Variants in KIAA0319L observed in about 807,000 individuals in gnomAD.
KIAA0319L encodes the protein KIAA0319 like.
KIAA0319L carries 55 observed loss-of-function variants against 120.1 expected under a neutral mutation model. The ratio of observed to expected loss-of-function variants is 0.46; its 90% confidence interval spans 0.37 to 0.57. The LOEUF (loss-of-function observed/expected upper bound fraction) is 0.57, where lower values mean the gene tolerates loss of function less well. Ranked by LOEUF, KIAA0319L falls within the 20% of genes least tolerant of loss-of-function variation. The pLI, the probability that KIAA0319L is intolerant of heterozygous loss-of-function variation, is 0.00. For missense variants in KIAA0319L, 1,049 were observed against 1,255.3 expected, an observed-to-expected ratio of 0.84 and a Z score of 2.48; for synonymous variants, 398 against 471.9, an observed-to-expected ratio of 0.84 and a Z score of 2.03.
chr1:35,479,966 A>AAAC (rs1553203228), intron 3 of KIAA0319L, among the ~76,000 whole-genome samples: 1,783 of 130,580 alleles, frequency 0.014, 34 homozygotes, highest in East Asian at 0.045. Flanking sequence ...AAAAAAAAAA[A>AAAC]AAAAAACACA....
At chr1:35,489,291 G>A (rs1182393920) in intron 3 of KIAA0319L, among the ~76,000 whole-genome samples, 1 of 151,990 alleles carries the variant, frequency 6.6e-6, no homozygotes, top group Non-Finnish European at 1.5e-5. Context: ...TTATCCTTCT[G>A]AAAAAAATTT....
At chr1:35,551,119 A>T (rs974760212) in intron 2 of KIAA0319L, among the ~76,000 whole-genome samples, 1 of 152,152 alleles carries the variant, frequency 6.6e-6, no homozygotes, top group Admixed American at 6.6e-5. Context: ...TCTCTTTTCA[A>T]ACTCCTCAGC....
Position 35,519,542 on chromosome 1 carries a change from C to A in KIAA0319L, c.143-12407G>T, listed in dbSNP as rs1258981638. ...ATAAAAGTAAAACCACTTAACAGAGCAGACCTTGATTATATGGTGCTTAGG... is the reference window on the plus strand; with the variant it reads ...ATAAAAGTAAAACCACTTAACAGAGAAGACCTTGATTATATGGTGCTTAGG... On this transcript the variant is annotated intron_variant, in intron 2 of 20. Coordinates refer to ENST00000325722, the MANE Select transcript of KIAA0319L (RefSeq NM_024874.5). Among the ~76,000 whole-genome samples, 3 of 152,164 alleles carry A rather than the reference C, an allele frequency of 2.0e-5. No individual in the cohort carries two copies. In the East Asian group the frequency reaches 5.8e-4, roughly 29 times the overall value.
chr1:35,535,321 T>C (rs981266263), intron 2 of KIAA0319L, among the ~76,000 whole-genome samples: 5 of 152,272 alleles, frequency 3.3e-5, no homozygotes, highest in African/African-American at 9.6e-5. Context: ...TGTTCATACA[T>C]GTCCCTCATA....
In KIAA0319L at chr1:35,478,284, AG is replaced by A. The variant is rs1487413087; in HGVS notation, c.913+681del. Among the ~76,000 whole-genome samples the A allele has an allele frequency of 3.7e-5, 5 of 134,344 alleles. No homozygotes were observed. The East Asian group carries it at 1.2e-3, about 33-fold the overall frequency. 88.1% of individuals were successfully genotyped at this position (134,344 alleles called of 152,430 possible). The stretch of plus-strand genomic sequence containing the variant: ...GAAGGGTAGTGTGGGGGTAAGAGGG[AG>A]GGGGGGATGGTTAATGAGTACAAAA... On this transcript the variant is annotated intron_variant, in intron 4 of 20. Transcript: ENST00000325722.
At chr1:35,436,170 G>A (rs1640774542) in intron 20 of KIAA0319L, among the ~76,000 whole-genome samples, 1 of 152,176 alleles carries the variant, frequency 6.6e-6, no homozygotes, top group South Asian at 2.1e-4. Context: ...AGGATTCCCA[G>A]CCATTCAGCC....
rs188121632 is a variant in KIAA0319L, at chr1:35,533,338, G to C, written c.142+21012C>G. On this transcript the variant is annotated intron_variant, in intron 2 of 20. Coordinates refer to ENST00000325722, the MANE Select transcript of KIAA0319L (RefSeq NM_024874.5). The stretch of plus-strand genomic sequence containing the variant: ...TCATCAGACTGTATCCCAAAGGAAA[G>C]GCTGTGATGGTGGAAATAAGAGTAG... 5.5e-4 allele frequency: 84 copies of C among 152,190 alleles called. 3 individuals carry two copies. The highest frequency in any genetic ancestry group is 4.9e-3 in the Admixed American group (75 of 15,286). The allele number at this position is 152,190 out of a possible 1,614,324, so 9.4% of individuals were successfully genotyped here. A position where few individuals can be genotyped will look rare whatever the true frequency, so the allele number is the denominator to read the frequency against.
At chr1:35,483,774 G>C (rs1349042134) in intron 3 of KIAA0319L, among the ~76,000 whole-genome samples, 1 of 152,104 alleles carries the variant, frequency 6.6e-6, no homozygotes, top group Non-Finnish European at 1.5e-5. Context: ...AAACTTTGTG[G>C]CTTAAAACAA....
chr1:35,552,528 A>G (rs1647309169), intron 2 of KIAA0319L, among the ~76,000 whole-genome samples: 1 of 152,202 alleles, frequency 6.6e-6, no homozygotes, highest in African/African-American at 2.4e-5. Context: ...CCTTATCTAT[A>G]AAATGAGAAG....
At position 35,479,182 on chromosome 1, in the gene KIAA0319L, G is replaced by C. The variant is rs756766016; in HGVS notation, c.697C>G (p.Leu233Val). Residue 233 changes from leucine (L) to valine (V), a missense_variant, in exon 4 of 21, where the codon CTA becomes GTA. By Grantham distance (32) the Leu-to-Val change is conservative. Coordinates refer to ENST00000325722, the MANE Select transcript of KIAA0319L (RefSeq NM_024874.5). ...AGCTCTGCAGTCAGGTCTGTGGTTA[G>C]GGGACTGGAAATTGTAATCGCCTTG... The part of the protein sequence containing the change: ...VHKAITISSP[L>V]TTDLTAELSG... 24 of 1,613,814 alleles carry C rather than the reference G, an allele frequency of 1.5e-5. No homozygotes were observed. The highest frequency in any genetic ancestry group is 2.0e-5 in the Non-Finnish European group (24 of 1,179,716).
chr1:35,478,184 T>C (rs1400207276), intron 4 of KIAA0319L, among the ~76,000 whole-genome samples: 5 of 149,974 alleles, frequency 3.3e-5, no homozygotes, highest in Non-Finnish European at 7.4e-5. Context: ...ATTTGTGGAA[T>C]CTAAAAATCA....
intron 2 of KIAA0319L, among the ~76,000 whole-genome samples, chr1:35,507,860 T>C (rs1249542627): frequency 6.6e-6 from 1 of 152,186 alleles, no homozygotes; most frequent in Non-Finnish European, 1.5e-5. Flanking sequence ...AGTACAACAG[T>C]GACATGCTAT....
At chr1:35,555,380 T>G (rs965194596) in intron 1 of KIAA0319L, among the ~76,000 whole-genome samples, 4 of 152,170 alleles carry the variant, frequency 2.6e-5, no homozygotes, top group Non-Finnish European at 5.9e-5. Context: ...ACGGCCAGCA[T>G]ACAGGGAGAT....
intron 5 of KIAA0319L, among the ~76,000 whole-genome samples, chr1:35,471,488 G>C (rs945231752): frequency 6.6e-6 from 1 of 152,198 alleles, no homozygotes; most frequent in African/African-American, 2.4e-5. Context: ...ACACACTGCA[G>C]AAGATGGTAG....
chr1:35,501,479 C>T (rs149932791), intron 3 of KIAA0319L, among the ~76,000 whole-genome samples: 15 of 152,306 alleles, frequency 9.8e-5, no homozygotes, highest in African/African-American at 3.4e-4. Flanking sequence ...TATCATCTCC[C>T]AATTTACTCG....
At position 35,443,038 on chromosome 1, in the gene KIAA0319L, G is replaced by C; in HGVS notation, c.2657-10C>G. ...CAGTTCAGCTGACATGCTGAGAGTGGCAGCAAAGGGAAGAAAGTCAACAAG... is the reference window on the plus strand; with the variant it reads ...CAGTTCAGCTGACATGCTGAGAGTGCCAGCAAAGGGAAGAAAGTCAACAAG... On this transcript the variant is annotated splice_polypyrimidine_tract_variant and intron_variant, in intron 17 of 20. Coordinates refer to ENST00000325722, the MANE Select transcript of KIAA0319L (RefSeq NM_024874.5). 1 of 1,614,088 alleles carries C rather than the reference G, an allele frequency of 6.2e-7. No individual in the cohort carries two copies. Among genetic ancestry groups the C allele is most frequent in the Non-Finnish European group, 8.5e-7 (1 of 1,179,988 alleles).
At chr1:35,551,668 G>A (rs1320079858) in intron 2 of KIAA0319L, among the ~76,000 whole-genome samples, 1 of 152,154 alleles carries the variant, frequency 6.6e-6, no homozygotes, top group East Asian at 1.9e-4. Flanking sequence ...AAATGGGAAG[G>A]AGCTCCAATT....
intron 16 of KIAA0319L, among the ~76,000 whole-genome samples, chr1:35,447,369 C>T (rs1374913218): frequency 6.6e-6 from 1 of 151,420 alleles, no homozygotes; most frequent in South Asian, 2.1e-4. Context: ...CCTCAGCTTG[C>T]ATATAACTGT....
chr1:35,434,776 G>T lies in KIAA0319L; in HGVS notation c.*118C>A. On this transcript the variant is annotated 3_prime_UTR_variant, in exon 21 of 21. Transcript: ENST00000325722. The stretch of plus-strand genomic sequence containing the variant: ...TTCAAGTCCCAGGGGTTCTGGTTGG[G>T]ACTGTCAGGGCGAAATGACCAGCAG... 1 of 829,482 alleles carries T rather than the reference G, an allele frequency of 1.2e-6. No individual in the cohort carries two copies. The highest frequency in any genetic ancestry group is 1.9e-6 in the Non-Finnish European group (1 of 535,188). 51.4% of individuals were successfully genotyped at this position (829,482 alleles called of 1,614,324 possible). A position where few individuals can be genotyped will look rare whatever the true frequency, so the allele number is the denominator to read the frequency against.
Sources: allele counts gnomAD v4.1 joint callset (sites outside exome capture counted in the v4.1 genomes callset), GRCh38; gene constraint gnomAD v4.1.1; transcripts MANE v1.5; gene names NCBI Gene and HGNC (gene_info 2026-07-23, HGNC 2026-07-21).